WSCD2: variants seen among roughly 807,000 people sequenced by gnomAD.
WSCD2 encodes sialate:O-sulfotransferase 2.
Under a neutral mutation model 55.7 loss-of-function variants are expected in WSCD2, and 28 were observed. The ratio of observed to expected loss-of-function variants is 0.50; its 90% CI spans 0.37 to 0.69. The LOEUF (loss-of-function observed/expected upper bound fraction) is 0.69. Ranked by LOEUF, WSCD2 falls within the 30% of genes least tolerant of loss-of-function variation. The pLI, the probability that WSCD2 is intolerant of heterozygous loss-of-function variation, is 0.00. For synonymous variants in WSCD2, 301 were observed against 301.9 expected (o/e 1.00, Z 0.03); for missense variants, 616 against 762.1 (o/e 0.81, Z 2.26).
intron 4 of WSCD2, among the ~76,000 whole-genome samples, chr12:108,220,387 G>C (rs747183180): frequency 2.6e-5 from 4 of 152,230 alleles, no homozygotes; most frequent in Non-Finnish European, 5.9e-5. Flanking sequence ...TCTGAGCCTT[G>C]AGTTTCCTCA....
At chr12:108,193,218 AAACATT>A (rs1883411026) in intron 1 of WSCD2, among the ~76,000 whole-genome samples, 1 of 152,236 alleles carries the variant, frequency 6.6e-6, no homozygotes. Flanking sequence ...ACTGTCCAAT[AAACATT>A]AACTATAATA....
chr12:108,161,442 G>A (rs1390100295), intron 1 of WSCD2, among the ~76,000 whole-genome samples: 1 of 152,156 alleles, frequency 6.6e-6, no homozygotes, highest in Non-Finnish European at 1.5e-5. Context: ...TTGAACACAG[G>A]AGAAAGGACA....
In WSCD2 at chr12:108,138,724, T is replaced by C. The variant is rs138628169; in HGVS notation, c.-552+8798T>C. Among the ~76,000 whole-genome samples, 356 of 152,368 alleles carry C rather than the reference T, an allele frequency of 2.3e-3. 2 individuals carry two copies. The highest frequency in any genetic ancestry group is 8.2e-3 in the African/African-American group (340 of 41,592). On this transcript the variant is annotated intron_variant, in intron 1 of 8. Coordinates refer to ENST00000547525, the MANE Select transcript of WSCD2 (RefSeq NM_014653.4). ...TTCACACCATCTGGGGCATCTCCAA[T>C]AAGTTTTCTCTTTGAACTTCAGCTT...
chr12:108,235,361 A>T (rs1889174770), intron 7 of WSCD2, among the ~76,000 whole-genome samples: 1 of 152,136 alleles, frequency 6.6e-6, no homozygotes, highest in Non-Finnish European at 1.5e-5. Context: ...TTGCCCAGGG[A>T]GCTTTTAAAG....
intron 1 of WSCD2, among the ~76,000 whole-genome samples, chr12:108,190,995 G>A (rs1883090117): frequency 2.6e-5 from 4 of 152,214 alleles, no homozygotes; most frequent in African/African-American, 9.7e-5. Context: ...TCAGAGAGAT[G>A]AAGTCCCCTG....
At chr12:108,140,159 G>A (rs894290182) in intron 1 of WSCD2, among the ~76,000 whole-genome samples, 2 of 152,174 alleles carry the variant, frequency 1.3e-5, no homozygotes, top group African/African-American at 4.8e-5. Flanking sequence ...TTCAATCCTA[G>A]CTCTGCTGCT....
intron 1 of WSCD2, among the ~76,000 whole-genome samples, chr12:108,166,583 A>T (rs942140030): frequency 6.6e-6 from 1 of 152,104 alleles, no homozygotes; most frequent in Non-Finnish European, 1.5e-5. Flanking sequence ...TCCACCGGAG[A>T]GTAAGCAGGA....
At chr12:108,223,615 C>G (rs1887764617) in intron 4 of WSCD2, among the ~76,000 whole-genome samples, 1 of 152,160 alleles carries the variant, frequency 6.6e-6, no homozygotes, top group East Asian at 1.9e-4. Flanking sequence ...TTGTGCACAT[C>G]TGTACTGGAT....
intron 1 of WSCD2, among the ~76,000 whole-genome samples, chr12:108,150,541 G>A (rs1053187217): frequency 8.5e-5 from 13 of 152,284 alleles, no homozygotes; most frequent in South Asian, 4.1e-4. Context: ...TGGATTTGCA[G>A]AAAGTCCCCT....
rs79818716 is a variant in WSCD2, at chr12:108,243,727, G to A, written c.1345+3183G>A. On this transcript the variant is annotated intron_variant, in intron 8 of 8. Transcript: ENST00000547525. ...TGGATCAGAATCTGCACTTTAACAA[G>A]ATTTCCCCAGATACTTCATGTGCAC... Among the ~76,000 whole-genome samples, 869 of 152,270 alleles carry A rather than the reference G, an allele frequency of 5.7e-3. 9 individuals carry two copies. Among genetic ancestry groups the A allele is most frequent in the African/African-American group, 0.02 (814 of 41,546 alleles).
At chr12:108,209,706 C>A (rs1309638245) in intron 3 of WSCD2, among the ~76,000 whole-genome samples, 2 of 152,034 alleles carry the variant, frequency 1.3e-5, no homozygotes, top group African/African-American at 4.8e-5. Context: ...AACTCTGCAG[C>A]CTCCCTGACT....
At chr12:108,196,740 G>T (rs1592993951) in intron 2 of WSCD2, among the ~76,000 whole-genome samples, 4 of 152,178 alleles carry the variant, frequency 2.6e-5, no homozygotes, top group African/African-American at 7.2e-5. Context: ...CATCTTGCTG[G>T]GTCCCTTGGT....
At chr12:108,198,570 A>G (rs756090355) in intron 2 of WSCD2, among the ~76,000 whole-genome samples, 1 of 152,240 alleles carries the variant, frequency 6.6e-6, no homozygotes, top group Non-Finnish European at 1.5e-5. Context: ...TGAGATTGAA[A>G]TACTGCCATC....
intron 4 of WSCD2, among the ~76,000 whole-genome samples, chr12:108,213,585 A>G (rs539936194): frequency 1.3e-5 from 2 of 152,202 alleles, no homozygotes; most frequent in African/African-American, 4.8e-5. Context: ...GGGACATTTG[A>G]CAAGAGCCTT....
At chr12:108,229,681 A>G (rs557613709) in intron 6 of WSCD2, among the ~76,000 whole-genome samples, 1 of 152,338 alleles carries the variant, frequency 6.6e-6, no homozygotes, top group Non-Finnish European at 1.5e-5. Flanking sequence ...TGCCTGCAAC[A>G]GTTGCTTAAT....
At chr12:108,170,973 G>A (rs1880181892) in intron 1 of WSCD2, among the ~76,000 whole-genome samples, 1 of 152,156 alleles carries the variant, frequency 6.6e-6, no homozygotes, top group Admixed American at 6.5e-5. Flanking sequence ...GACCAGACTG[G>A]CTTCAGAGCA....
At chr12:108,193,827 T>C (rs1238817746) in intron 1 of WSCD2, among the ~76,000 whole-genome samples, 1 of 152,236 alleles carries the variant, frequency 6.6e-6, no homozygotes, top group African/African-American at 2.4e-5. Flanking sequence ...GTCTGTTTTG[T>C]TCACTTATTT....
At chr12:108,154,132 T>G (rs1878297053) in intron 1 of WSCD2, among the ~76,000 whole-genome samples, 1 of 152,202 alleles carries the variant, frequency 6.6e-6, no homozygotes, top group Admixed American at 6.5e-5. Context: ...GATGGTGTCC[T>G]GGAGTTGCGA....
At position 108,249,953 on chromosome 12, in the gene WSCD2, TGGAGG is replaced by T. The variant is rs1270886171; in HGVS notation, c.*1613_*1617del. 6.6e-6 allele frequency: 1 copy of T among 152,670 alleles called. No individual in the cohort carries two copies. The highest frequency in any genetic ancestry group is 1.5e-5 in the Non-Finnish European group (1 of 68,062). The allele number at this position is 152,670 out of a possible 1,614,324, so 9.5% of individuals were successfully genotyped here. ...TTTTTAGTCTTCTTTCATGAAGCAGTGGAGGGGTTGGCCTCCCTTCTACTGGGAGG... is the reference window on the plus strand; with the variant it reads ...TTTTTAGTCTTCTTTCATGAAGCAGTGGTTGGCCTCCCTTCTACTGGGAGG... On this transcript the variant is annotated 3_prime_UTR_variant, in exon 9 of 9. Coordinates refer to ENST00000547525, the MANE Select transcript of WSCD2 (RefSeq NM_014653.4).
Sources: gnomAD v4.1 joint callset for allele counts (sites outside exome capture counted in the v4.1 genomes callset) on GRCh38, gnomAD v4.1.1 for gene constraint, MANE v1.5 for transcripts, NCBI Gene and HGNC (gene_info 2026-07-23, HGNC 2026-07-21) for gene names.